Variants in CNTN5 observed in about 807,000 individuals in gnomAD.
CNTN5 encodes contactin-5.
In CNTN5, 77 loss-of-function variants were observed where a neutral mutation model predicts 129.1. The ratio of observed to expected loss-of-function variants is 0.60; its 90% CI spans 0.50 to 0.72. The LOEUF is 0.72. CNTN5 is among the 30% of genes least tolerant of loss of function. The probability of loss-of-function intolerance (pLI) is 0.00; values close to 1 mark genes in which losing one functional copy is unlikely to be tolerated. For missense variants in CNTN5, 1,478 were observed against 1,328.8 expected, an observed-to-expected ratio of 1.11 and a Z score of -1.75; for synonymous variants, 509 against 465.6, an observed-to-expected ratio of 1.09 and a Z score of -1.20.
intron 1 of CNTN5, among the ~76,000 whole-genome samples, chr11:99,047,084 G>C (rs944478733): frequency 7.9e-5 from 12 of 152,024 alleles, no homozygotes; most frequent in African/African-American, 2.9e-4. Context: ...TGGTAAGAGA[G>C]AGAGAAAGTA....
chr11:100,040,404 T>C (rs1026307383), intron 9 of CNTN5, among the ~76,000 whole-genome samples: 1 of 152,218 alleles, frequency 6.6e-6, no homozygotes, highest in Non-Finnish European at 1.5e-5. Context: ...CCAGTTAGGC[T>C]ACTCGGGGGT....
intron 1 of CNTN5, among the ~76,000 whole-genome samples, chr11:99,132,740 C>T (rs1859010253): frequency 6.6e-6 from 1 of 152,086 alleles, no homozygotes; most frequent in Non-Finnish European, 1.5e-5. Context: ...AACTGCTACT[C>T]AAGGAAATCA....
chr11:100,221,908 C>T (rs1949273605), intron 15 of CNTN5, among the ~76,000 whole-genome samples: 1 of 152,104 alleles, frequency 6.6e-6, no homozygotes, highest in East Asian at 1.9e-4. Flanking sequence ...TTTAAGAAAG[C>T]AAGCATCTGC....
chr11:99,660,133 T>A (rs1952542406), intron 3 of CNTN5, among the ~76,000 whole-genome samples: 1 of 152,110 alleles, frequency 6.6e-6, no homozygotes, highest in Non-Finnish European at 1.5e-5. Context: ...CCTGAATCTA[T>A]AAAGTTCTGG....
chr11:99,111,422 G>C (rs753490520), intron 1 of CNTN5, among the ~76,000 whole-genome samples: 1 of 152,000 alleles, frequency 6.6e-6, no homozygotes, highest in African/African-American at 2.4e-5. Flanking sequence ...TACAAGAAAA[G>C]AAGGACATTT....
intron 8 of CNTN5, among the ~76,000 whole-genome samples, chr11:99,970,333 C>T (rs186748461): frequency 7.9e-5 from 12 of 152,230 alleles, no homozygotes; most frequent in Admixed American, 2.6e-4. Flanking sequence ...CTAATTGTAA[C>T]GCCACTTATT....
At chr11:100,114,978 T>C (rs1463423697) in intron 13 of CNTN5, among the ~76,000 whole-genome samples, 2 of 152,014 alleles carry the variant, frequency 1.3e-5, no homozygotes, top group Non-Finnish European at 2.9e-5. Context: ...GGAAGCTCCA[T>C]GGGTGTCCCC....
chr11:99,355,274 T>C (rs1938563463), intron 2 of CNTN5, among the ~76,000 whole-genome samples: 1 of 152,212 alleles, frequency 6.6e-6, no homozygotes. Flanking sequence ...TAATTCTTTT[T>C]TGTTTCAATA....
chr11:99,902,214 T>C (rs1206244668), intron 6 of CNTN5, among the ~76,000 whole-genome samples: 1 of 151,652 alleles, frequency 6.6e-6, no homozygotes, highest in Admixed American at 6.6e-5. Flanking sequence ...TCTACTCCTC[T>C]GTTTTTGTAC....
At chr11:100,220,294 ATTATCC>A (rs1949237069) in intron 15 of CNTN5, among the ~76,000 whole-genome samples, 1 of 151,774 alleles carries the variant, frequency 6.6e-6, no homozygotes, top group Non-Finnish European at 1.5e-5. Flanking sequence ...AAAAAAAAAA[ATTATCC>A]TCTTGGAAGA....
intron 2 of CNTN5, among the ~76,000 whole-genome samples, chr11:99,527,645 A>G (rs1417492226): frequency 1.3e-5 from 2 of 152,202 alleles, no homozygotes; most frequent in African/African-American, 2.4e-5. Flanking sequence ...ACATGAAGGC[A>G]TATATCAATC....
intron 21 of CNTN5, among the ~76,000 whole-genome samples, chr11:100,314,394 G>A (rs1156518725): frequency 6.6e-6 from 1 of 152,084 alleles, no homozygotes; most frequent in African/African-American, 2.4e-5. Context: ...TGATGTACCA[G>A]GTATTATAGA....
intron 23 of CNTN5, among the ~76,000 whole-genome samples, chr11:100,345,555 C>A (rs1323543549): frequency 6.9e-6 from 1 of 145,898 alleles, no homozygotes; most frequent in African/African-American, 2.6e-5. Context: ...AAGATGATAA[C>A]AGAAATTTTG....
intron 13 of CNTN5, among the ~76,000 whole-genome samples, chr11:100,144,379 T>C (rs1277146896): frequency 6.6e-6 from 1 of 152,264 alleles, no homozygotes; most frequent in Middle Eastern, 3.4e-3. Context: ...CCTGCTTTCC[T>C]TCCACTTTTT....
At chr11:99,634,653 A>T (rs1167791051) in intron 3 of CNTN5, among the ~76,000 whole-genome samples, 1 of 152,184 alleles carries the variant, frequency 6.6e-6, no homozygotes. Flanking sequence ...TACTCCTCAG[A>T]TAAGCATCTG....
chr11:99,032,290 G>T lies in CNTN5; in HGVS notation c.-210+11020G>T, dbSNP rs1863433278. Among the ~76,000 whole-genome samples, 3 of 151,758 alleles carry T rather than the reference G, an allele frequency of 2.0e-5. No homozygotes were observed. The South Asian group carries it at 6.2e-4, about 32-fold the overall frequency. ...CCTTTGGGTATATAGCCAGTAATGG[G>T]ATGGCTGGGTCAAATGGTATTTCTA... On this transcript the variant is annotated intron_variant, in intron 1 of 24. Coordinates refer to ENST00000524871, the MANE Select transcript of CNTN5 (RefSeq NM_014361.4).
chr11:99,758,524 T>A (rs933202281), intron 3 of CNTN5, among the ~76,000 whole-genome samples: 6 of 152,006 alleles, frequency 3.9e-5, no homozygotes, highest in Non-Finnish European at 7.4e-5. Context: ...TTGAAATGAT[T>A]TGTTCTTCAA....
At chr11:99,301,431 C>A (rs1371151208) in intron 1 of CNTN5, among the ~76,000 whole-genome samples, 1 of 151,536 alleles carries the variant, frequency 6.6e-6, no homozygotes, top group Non-Finnish European at 1.5e-5. Flanking sequence ...ATCAAGAGAA[C>A]TGGAATGGCT....
At chr11:99,612,170 A>T (rs879083599) in intron 3 of CNTN5, among the ~76,000 whole-genome samples, 1 of 152,174 alleles carries the variant, frequency 6.6e-6, no homozygotes, top group Admixed American at 6.5e-5. Context: ...GGAAACTGAG[A>T]CTCATAATTG....
Sources: gnomAD v4.1 joint callset for allele counts (sites outside exome capture counted in the v4.1 genomes callset) on GRCh38, gnomAD v4.1.1 for gene constraint, MANE v1.5 for transcripts, NCBI Gene and HGNC (gene_info 2026-07-23, HGNC 2026-07-21) for gene names.